Variants in ADAMTS17 observed in about 807,000 individuals in gnomAD.
The protein encoded by ADAMTS17 is ADAM metallopeptidase with thrombospondin type 1 motif 17.
Under a neutral mutation model 141.5 loss-of-function variants are expected in ADAMTS17, and 113 were observed. That is an observed-to-expected ratio of 0.80 (90% CI 0.69 to 0.93). The LOEUF is 0.93. Among genes scored for constraint, ADAMTS17 ranks in the 40% least tolerant of loss-of-function variants. The probability of loss-of-function intolerance (pLI) is 0.00; values close to 1 mark genes in which losing one functional copy is unlikely to be tolerated. For missense variants in ADAMTS17, 1,659 were observed against 1,517.9 expected (o/e 1.09, Z -1.54); for synonymous variants, 768 against 630.6 (o/e 1.22, Z -3.27).
At chr15:100,058,764 G>A (rs1439016229) in intron 15 of ADAMTS17, among the ~76,000 whole-genome samples, 1 of 152,204 alleles carries the variant, frequency 6.6e-6, no homozygotes, top group Non-Finnish European at 1.5e-5. Flanking sequence ...TTGCTTGTCT[G>A]TAGCGGAATG....
At chr15:100,006,085 T>C (rs2061031637) in intron 18 of ADAMTS17, among the ~76,000 whole-genome samples, 1 of 152,146 alleles carries the variant, frequency 6.6e-6, no homozygotes, top group Non-Finnish European at 1.5e-5. Context: ...TTCAGTATGA[T>C]ATCATTTTAC....
intron 8 of ADAMTS17, among the ~76,000 whole-genome samples, chr15:100,161,989 G>A (rs970953446): frequency 1.3e-5 from 2 of 152,128 alleles, no homozygotes; most frequent in African/African-American, 2.4e-5. Flanking sequence ...CATAGATTTA[G>A]CTGTACTTCA....
intron 19 of ADAMTS17, among the ~76,000 whole-genome samples, chr15:99,996,877 A>G (rs1365897354): frequency 4.6e-5 from 7 of 152,182 alleles, no homozygotes; most frequent in Non-Finnish European, 1.0e-4. Flanking sequence ...TACTCCCAGG[A>G]CCAACCTTCA....
At chr15:100,060,382 C>T (rs1024470319) in intron 15 of ADAMTS17, among the ~76,000 whole-genome samples, 5 of 152,332 alleles carry the variant, frequency 3.3e-5, no homozygotes, top group South Asian at 2.1e-4. Context: ...ACGTCCATTT[C>T]GGTCTCTGGC....
At chr15:100,146,174 C>A (rs1567251371) in intron 10 of ADAMTS17, among the ~76,000 whole-genome samples, 3 of 151,698 alleles carry the variant, frequency 2.0e-5, no homozygotes, top group African/African-American at 7.3e-5. Context: ...ACTCCATCTC[C>A]AAAAAAACAA....
intron 3 of ADAMTS17, among the ~76,000 whole-genome samples, chr15:100,299,306 A>G (rs1201113002): frequency 6.6e-6 from 1 of 151,204 alleles, no homozygotes; most frequent in Non-Finnish European, 1.5e-5. Flanking sequence ...GTGTGTGTGT[A>G]ACCGCCGTCA....
At position 99,973,356 on chromosome 15, in the gene ADAMTS17, C is replaced by CA; in HGVS notation, c.*1045dup. 1 of 132,974 alleles carries CA rather than the reference C, an allele frequency of 7.5e-6. No homozygotes were observed. The highest frequency in any genetic ancestry group is 1.6e-5 in the Non-Finnish European group (1 of 61,060). The allele number at this position is 132,974 out of a possible 1,614,324, so 8.2% of individuals were successfully genotyped here. On this transcript the variant is annotated 3_prime_UTR_variant, in exon 22 of 22. Transcript: ENST00000268070. ...CTGCTCCGTGCCAGGATAGAGCAGTCAGGCCTTGCTCTACAGATCCTAGGC... is the reference window on the plus strand; with the variant it reads ...CTGCTCCGTGCCAGGATAGAGCAGTCAAGGCCTTGCTCTACAGATCCTAGGC...
At chr15:100,338,682 T>C (rs2585222) in intron 2 of ADAMTS17, among the ~76,000 whole-genome samples, 131,862 of 152,036 alleles carry the variant, frequency 0.87, 57,597 homozygotes, top group Non-Finnish European at 0.92. Context: ...CCCTCCTCCA[T>C]GGCCACCAAA....
intron 18 of ADAMTS17, among the ~76,000 whole-genome samples, chr15:100,025,605 G>T (rs773633073): frequency 3.9e-5 from 6 of 151,908 alleles, no homozygotes; most frequent in African/African-American, 1.4e-4. Flanking sequence ...GTAGAGACAG[G>T]GTTTCACCAC....
At chr15:100,179,573 T>A (rs117663281) in intron 8 of ADAMTS17, among the ~76,000 whole-genome samples, 1 of 152,236 alleles carries the variant, frequency 6.6e-6, no homozygotes, top group African/African-American at 2.4e-5. Context: ...GCAGAGAGAT[T>A]GCTGGATCAC....
At chr15:100,316,534 CA>C (rs2045571843) in intron 3 of ADAMTS17, among the ~76,000 whole-genome samples, 1 of 152,222 alleles carries the variant, frequency 6.6e-6, no homozygotes, top group Admixed American at 6.5e-5. Context: ...CACTGGATGC[CA>C]GTGGATTTTC....
chr15:100,131,775 A>G (rs968795160), intron 12 of ADAMTS17, among the ~76,000 whole-genome samples: 2 of 152,200 alleles, frequency 1.3e-5, no homozygotes, highest in Non-Finnish European at 2.9e-5. Flanking sequence ...GGAATGAGGG[A>G]GTCAGCTCAC....
intron 7 of ADAMTS17, among the ~76,000 whole-genome samples, chr15:100,222,600 C>T (rs1161019226): frequency 6.6e-6 from 1 of 152,172 alleles, no homozygotes. Context: ...CATCCTAGGA[C>T]ACAAACATCT....
chr15:99,978,538 T>C (rs2060415571), intron 20 of ADAMTS17: 1 of 152,256 alleles, frequency 6.6e-6, no homozygotes, highest in Non-Finnish European at 1.5e-5. Context: ...GCTCATGGCC[T>C]TTCAAATTCA....
rs35350975 is a variant in ADAMTS17 at position 100,258,952 on chromosome 15, GA to G, written c.1031+2526del. Reference sequence around the variant, plus strand: ...ATCTTGGTGACATTTATTGCCTCTGGAAAAAAAATGCCATTCATCCCCAAAT... The same window carrying G: ...ATCTTGGTGACATTTATTGCCTCTGGAAAAAAATGCCATTCATCCCCAAAT... On this transcript the variant is annotated intron_variant, in intron 6 of 21. Coordinates refer to ENST00000268070, the MANE Select transcript of ADAMTS17 (RefSeq NM_139057.4). 7.8e-3 allele frequency among the ~76,000 whole-genome samples: 1,179 copies of G among 151,910 alleles called. 14 individuals are homozygous for G. The highest frequency in any genetic ancestry group is 0.024 in the Middle Eastern group (7 of 294).
chr15:100,293,998 A>T (rs995266432), intron 3 of ADAMTS17, among the ~76,000 whole-genome samples: 9 of 152,196 alleles, frequency 5.9e-5, no homozygotes, highest in Non-Finnish European at 1.2e-4. Context: ...GAATCTGCCC[A>T]TGGACTTCCA....
At chr15:100,102,333 C>T (rs1252879033) in intron 14 of ADAMTS17, among the ~76,000 whole-genome samples, 2 of 149,266 alleles carry the variant, frequency 1.3e-5, no homozygotes, top group Non-Finnish European at 3.0e-5. Context: ...ATTTGAGGGC[C>T]GACCGAAGGG....
chr15:100,109,185 A>C, intron 13 of ADAMTS17, 69 bp from the exon 14 acceptor site: 1 of 1,552,578 alleles, frequency 6.4e-7, no homozygotes. Flanking sequence ...GCACAGGTAC[A>C]TGTGGGCAGA....
intron 4 of ADAMTS17, among the ~76,000 whole-genome samples, chr15:100,267,260 G>C (rs2043747959): frequency 1.3e-5 from 2 of 152,120 alleles, no homozygotes; most frequent in African/African-American, 4.8e-5. Flanking sequence ...GTGTCACTTG[G>C]CATACTGTCC....
Sources: allele counts gnomAD v4.1 joint callset (sites outside exome capture counted in the v4.1 genomes callset), GRCh38; gene constraint gnomAD v4.1.1; transcripts MANE v1.5; gene names NCBI Gene and HGNC (gene_info 2026-07-23, HGNC 2026-07-21).